The following OVGP1 variants were observed in gnomAD, a reference collection of about 807,000 sequenced individuals.
OVGP1 encodes oviductal glycoprotein 1.
OVGP1 carries 26 observed loss-of-function variants against 48.2 expected under a neutral mutation model. The ratio of observed to expected loss-of-function variants is 0.54; its 90% CI spans 0.40 to 0.75. The LOEUF is 0.75. Ranked by LOEUF, OVGP1 falls within the 30% of genes least tolerant of loss-of-function variation. The pLI is 0.00. For synonymous variants in OVGP1, 294 were observed against 305.7 expected (o/e 0.96, Z 0.40); for missense variants, 791 against 820.6 (o/e 0.96, Z 0.44).
At position 111,422,978 on chromosome 1, in the gene OVGP1, G is replaced by A; in HGVS notation, c.557C>T (p.Ser186Phe). ...RPRLLLSAAV[S>F]GVPHIVQTSY... Reference sequence around the variant, plus strand: ...TGTTTGGACGATGTGTGGGACCCCAGAAACAGCAGCAGACAGCAGCAGCCT... The same window carrying A: ...TGTTTGGACGATGTGTGGGACCCCAAAAACAGCAGCAGACAGCAGCAGCCT... The change falls in exon 6 of 11, where the codon TCT becomes TTT. Residue 186 changes from serine to phenylalanine, a missense_variant. Transcript: ENST00000369732. 6.2e-7 allele frequency: 1 copy of A among 1,614,162 alleles called. No homozygotes were observed. Among genetic ancestry groups the A allele is most frequent in the Non-Finnish European group, 8.5e-7 (1 of 1,180,016 alleles).
chr1:111,415,071 A>G lies in OVGP1; in HGVS notation c.1430T>C (p.Met477Thr), dbSNP rs2485319. Residue 477 changes from methionine (M) to threonine (T), a missense_variant, in exon 11 of 11, where the codon ATG becomes ACG. By Grantham distance (81) the Met-to-Thr change is moderately conservative. Coordinates refer to ENST00000369732, the MANE Select transcript of OVGP1 (RefSeq NM_002557.4). Reference protein sequence around the residue: ...LGEKTEITGAMTMTSVGHQSM... With the variant: ...LGEKTEITGATTMTSVGHQSM... ...CTGATGACCCACAGAAGTCATGGTC[A>G]TTGCCCCAGTGATCTCAGTCTTCTC... 772,750 of 1,613,416 alleles carry G rather than the reference A, an allele frequency of 0.48. 193,507 individuals carry two copies. Among genetic ancestry groups the G allele is most frequent in the East Asian group, 0.78 (35,078 of 44,866 alleles).
Position 111,421,690 on chromosome 1 carries a change from G to A in OVGP1, c.609-17C>T. On this transcript the variant is annotated splice_polypyrimidine_tract_variant and intron_variant, in intron 6 of 10. Transcript: ENST00000369732. ...TCCAGGAGTCTGTAAGGGGCAGGAG[G>A]AAGAGATATAAAGACTGGGCTAGCC... 6.7e-7 allele frequency: 1 copy of A among 1,487,474 alleles called. No individual in the cohort carries two copies. Among genetic ancestry groups the A allele is most frequent in the Non-Finnish European group, 9.4e-7 (1 of 1,064,866 alleles). The allele number at this position is 1,487,474 out of a possible 1,614,324, so 92.1% of individuals were successfully genotyped here. A position where few individuals can be genotyped will look rare whatever the true frequency, so the allele number is the denominator to read the frequency against.
In OVGP1 at chr1:111,415,141, TA is replaced by T. The variant is rs1225111325; in HGVS notation, c.1359del (p.Thr454GlnfsTer12). 4 of 1,614,134 alleles carry T rather than the reference TA, an allele frequency of 2.5e-6. No individual in the cohort carries two copies. Among genetic ancestry groups the T allele is most frequent in the Admixed American group, 1.7e-5 (1 of 60,018 alleles). Reference sequence around the variant, plus strand: ...TTTCCAAGGGATACAGTTTCCTTTGTAGGGGTCACAGTTGTACCTCTAGGGG... The same window carrying T: ...TTTCCAAGGGATACAGTTTCCTTTGTGGGGTCACAGTTGTACCTCTAGGGG... Reference protein sequence around the residue: ...TITPRGTTVTPTKETVSLGKH... With the variant: ...TITPRGTTVTXTKETVSLGKH... On this transcript the variant is annotated frameshift_variant, in exon 11 of 11. Transcript: ENST00000369732. LOFTEE classifies it low-confidence loss of function (END_TRUNC).
intron 3 of OVGP1, among the ~76,000 whole-genome samples, chr1:111,426,222 A>C (rs1652392785): frequency 6.6e-6 from 1 of 152,208 alleles, no homozygotes; most frequent in Non-Finnish European, 1.5e-5. Flanking sequence ...CATTCCAGGC[A>C]GAGACAACAG....
chr1:111,423,095 G>A (rs754210135), intron 5 of OVGP1, 44 bp from the exon 6 acceptor site: 4 of 1,611,758 alleles, frequency 2.5e-6, no homozygotes, highest in Non-Finnish European at 3.4e-6. Context: ...GACAAACAGA[G>A]AGGCGGGGCC....
Position 111,423,069 on chromosome 1 carries a change from A to C in OVGP1, c.484-18T>G. On this transcript the variant is annotated intron_variant, in intron 5 of 10. Coordinates refer to ENST00000369732, the MANE Select transcript of OVGP1 (RefSeq NM_002557.4). ...AGGAGCTCCTAAGAGGAAAGACAGA[A>C]AGACACAGAGAACTGGACAAACAGA... 1.2e-6 allele frequency: 2 copies of C among 1,613,700 alleles called. No homozygotes were observed. The highest frequency in any genetic ancestry group is 1.7e-6 in the Non-Finnish European group (2 of 1,179,918).
Position 111,421,549 on chromosome 1 carries a change from TCTTTC to T in OVGP1, c.717+11_717+15del, listed in dbSNP as rs750071896. Reference sequence around the variant, plus strand: ...GGGCAGATGTCTGGACCACCTGAGATCTTTCCTTTCCTTACCGAAGATTTGGGGTC... The same window carrying T: ...GGGCAGATGTCTGGACCACCTGAGATCTTTCCTTACCGAAGATTTGGGGTC... On this transcript the variant is annotated intron_variant, in intron 7 of 10. Coordinates refer to ENST00000369732, the MANE Select transcript of OVGP1 (RefSeq NM_002557.4). The T allele has an allele frequency of 3.7e-6, 6 of 1,609,638 alleles. No individual in the cohort carries two copies. The highest frequency in any genetic ancestry group is 5.1e-6 in the Non-Finnish European group (6 of 1,176,064).
rs41282508 is a variant in OVGP1 at position 111,419,779 on chromosome 1, C to A, written c.904-53G>T. 8.7e-3 allele frequency: 9,022 copies of A among 1,034,530 alleles called. 378 individuals are homozygous for A. The African/African-American group carries it at 0.11, about 12-fold the overall frequency. 64.1% of individuals were successfully genotyped at this position (1,034,530 alleles called of 1,614,324 possible). The stretch of plus-strand genomic sequence containing the variant: ...TGGGAAGTGCCATGGAGATAAGCAC[C>A]AAGAGACAGTTGTTCCTTGCCCAAG... On this transcript the variant is annotated intron_variant, in intron 8 of 10. Transcript: ENST00000369732.
intron 6 of OVGP1, 83 bp downstream of exon 6, chr1:111,422,844 G>A: frequency 2.6e-6 from 4 of 1,538,788 alleles, no homozygotes; most frequent in Non-Finnish European, 3.6e-6. Flanking sequence ...CTCAAAAACA[G>A]TGCTTGGGAA....
Position 111,421,430 on chromosome 1 carries a change from C to T in OVGP1, c.749G>A (p.Gly250Glu). 6.2e-7 allele frequency: 1 copy of T among 1,611,786 alleles called. No individual in the cohort carries two copies. Among genetic ancestry groups the T allele is most frequent in the East Asian group, 2.2e-5 (1 of 44,868 alleles). ...CATGATGAGCTTCTCTGAGGGTGCC[C>T]CAAGCTTTCTCCAATAATTCATAGC... ...AYAMNYWRKLGAPSEKLIMGI... is the reference protein window; with the variant it reads ...AYAMNYWRKLEAPSEKLIMGI... The change falls in exon 8 of 11, where the codon GGG becomes GAG. Residue 250 changes from glycine (G) to glutamate (E), a missense_variant. Transcript: ENST00000369732.
At chr1:111,416,534 T>C (rs1652142214) in intron 9 of OVGP1, 76 bp from the exon 10 acceptor site, 8 of 1,345,894 alleles carry the variant, frequency 5.9e-6, no homozygotes, top group Middle Eastern at 1.9e-4. Context: ...AAACTGAAGA[T>C]AGTCCCTCAG....
intron 8 of OVGP1, among the ~76,000 whole-genome samples, chr1:111,420,787 T>C (rs968316265): frequency 1.3e-5 from 2 of 152,040 alleles, no homozygotes; most frequent in African/African-American, 4.8e-5. Context: ...TAGTAGATAA[T>C]GTCTTGGAAT....
intron 2 of OVGP1, 150 bp from the exon 3 acceptor site, chr1:111,426,791 T>C (rs927368071): frequency 6.5e-7 from 1 of 1,547,736 alleles, no homozygotes; most frequent in Non-Finnish European, 8.7e-7. Context: ...AGAACTACAC[T>C]GAGGTTCTAT....
intron 4 of OVGP1, among the ~76,000 whole-genome samples, chr1:111,423,975 C>G (rs1026225164): frequency 2.6e-5 from 4 of 152,252 alleles, no homozygotes; most frequent in Non-Finnish European, 4.4e-5. Context: ...ACAGCAGGCA[C>G]AGAACCAAGC....
chr1:111,425,697 C>G (rs1346851444), intron 3 of OVGP1, among the ~76,000 whole-genome samples: 2 of 152,200 alleles, frequency 1.3e-5, no homozygotes, highest in Non-Finnish European at 2.9e-5. Flanking sequence ...CAAACTCGCG[C>G]ATGTCCCTAT....
Position 111,414,737 on chromosome 1 carries a change from C to A in OVGP1, c.1764G>T (p.Gln588His). ...SRNISVTPEG[Q>H]TMPLRGENLT... ...AATTCTCCCCTCTTAAAGGCATAGTCTGCCCTTCAGGGGTGACTGATATGT... is the reference window on the plus strand; with the variant it reads ...AATTCTCCCCTCTTAAAGGCATAGTATGCCCTTCAGGGGTGACTGATATGT... Residue 588 changes from glutamine (Q) to histidine (H), a missense_variant, in exon 11 of 11, where the codon CAG becomes CAT. Physicochemically the swap from Gln to His is conservative, Grantham distance 24. Coordinates refer to ENST00000369732, the MANE Select transcript of OVGP1 (RefSeq NM_002557.4). The A allele has an allele frequency of 6.2e-7, 1 of 1,613,616 alleles. No homozygotes were observed. Among genetic ancestry groups the A allele is most frequent in the Non-Finnish European group, 8.5e-7 (1 of 1,179,550 alleles).
At chr1:111,418,459 T>C (rs1652185248) in intron 9 of OVGP1, among the ~76,000 whole-genome samples, 1 of 152,212 alleles carries the variant, frequency 6.6e-6, no homozygotes, top group African/African-American at 2.4e-5. Flanking sequence ...CCAGTGTTAA[T>C]GCACAGAGGA....
intron 4 of OVGP1, among the ~76,000 whole-genome samples, chr1:111,424,330 G>A (rs1195874259): frequency 6.6e-6 from 1 of 152,162 alleles, no homozygotes; most frequent in Non-Finnish European, 1.5e-5. Flanking sequence ...CCGTAGTGAT[G>A]ACACTTTGGA....
In OVGP1 at chr1:111,423,063, G is replaced by C. The variant is rs1445353011; in HGVS notation, c.484-12C>G. 8 of 1,613,718 alleles carry C rather than the reference G, an allele frequency of 5.0e-6. No individual in the cohort carries two copies. The highest frequency in any genetic ancestry group is 6.8e-6 in the Non-Finnish European group (8 of 1,180,002). On this transcript the variant is annotated splice_polypyrimidine_tract_variant and intron_variant, in intron 5 of 10. Coordinates refer to ENST00000369732, the MANE Select transcript of OVGP1 (RefSeq NM_002557.4). Reference sequence around the variant, plus strand: ...GCAAACAGGAGCTCCTAAGAGGAAAGACAGAAAGACACAGAGAACTGGACA... The same window carrying C: ...GCAAACAGGAGCTCCTAAGAGGAAACACAGAAAGACACAGAGAACTGGACA...
Sources: allele counts gnomAD v4.1 joint callset (sites outside exome capture counted in the v4.1 genomes callset), GRCh38; gene constraint gnomAD v4.1.1; transcripts MANE v1.5; gene names NCBI Gene and HGNC (gene_info 2026-07-23, HGNC 2026-07-21).